RPH3A: variants seen among roughly 807,000 people sequenced by gnomAD.
The protein encoded by RPH3A is rabphilin-3A.
In RPH3A, 48 loss-of-function variants were observed where a neutral mutation model predicts 102.2. That is an observed-to-expected ratio of 0.47 (90% CI 0.37 to 0.60). The LOEUF (loss-of-function observed/expected upper bound fraction) is 0.60. Ranked by LOEUF, RPH3A falls within the 20% of genes least tolerant of loss-of-function variation. The pLI, the probability that RPH3A is intolerant of heterozygous loss-of-function variation, is 0.00. For synonymous variants in RPH3A, 310 were observed against 324.3 expected, an observed-to-expected ratio of 0.96 and a Z score of 0.47; for missense variants, 781 against 910.1, an observed-to-expected ratio of 0.86 and a Z score of 1.83.
Position 112,712,964 on chromosome 12 carries a change from T to TTC in RPH3A, c.-139-79178_-139-79177insCT, listed in dbSNP as rs1417742814. ...CTTCTTCTTCTTCTTCTTCTTCTTC[T>TTC]TTCTTCTTCTTTCTTCTTCGTCGTC... On this transcript the variant is annotated intron_variant, in intron 1 of 21. Coordinates refer to the RPH3A transcript ENST00000543106. 9.7e-3 allele frequency among the ~76,000 whole-genome samples: 677 copies of TTC among 70,136 alleles called. 45 individuals are homozygous for TTC. The highest frequency in any genetic ancestry group is 0.023 in the South Asian group (39 of 1,700). The allele number at this position is 70,136 out of a possible 152,430, so 46.0% of individuals were successfully genotyped here.
At chr12:112,730,837 C>T (rs2040627648) in intron 1 of RPH3A, among the ~76,000 whole-genome samples, 1 of 152,112 alleles carries the variant, frequency 6.6e-6, no homozygotes, top group African/African-American at 2.4e-5. Flanking sequence ...CTTCTGATGC[C>T]ACAGAGCAAA....
intron 14 of RPH3A, among the ~76,000 whole-genome samples, chr12:112,881,249 A>G (rs1277374078): frequency 1.3e-5 from 2 of 152,332 alleles, no homozygotes; most frequent in Middle Eastern, 3.4e-3. Context: ...CCTCTATAGT[A>G]TCTTATCTGA....
chr12:112,731,132 T>A (rs958848404), intron 1 of RPH3A, among the ~76,000 whole-genome samples: 1 of 152,124 alleles, frequency 6.6e-6, no homozygotes, highest in Admixed American at 6.5e-5. Flanking sequence ...GAGAATGAAG[T>A]GTTTTACAGT....
At chr12:112,649,165 A>T (rs2039956512) in intron 1 of RPH3A, among the ~76,000 whole-genome samples, 1 of 152,260 alleles carries the variant, frequency 6.6e-6, no homozygotes, top group African/African-American at 2.4e-5. Context: ...TCTTTGATGT[A>T]GAATAGACCA....
At position 112,879,160 on chromosome 12, in the gene RPH3A, G is replaced by A. The variant is rs1242895469; in HGVS notation, c.1213G>A (p.Asp405Asn). 1 of 1,614,100 alleles carries A rather than the reference G, an allele frequency of 6.2e-7. No individual in the cohort carries two copies. Reference sequence around the variant, plus strand: ...GGAATTCAGCCTTCTCTACGACCAGGACAACAGCTCCCTGCAGTGCACCAT... The same window carrying A: ...GGAATTCAGCCTTCTCTACGACCAGAACAACAGCTCCCTGCAGTGCACCAT... ...ALEFSLLYDQ[D>N]NSSLQCTIIK... is the part of the protein sequence containing the mutation. The change falls in exon 14 of 22, where the codon GAC (aspartate) becomes AAC (asparagine). Residue 405 changes from aspartate (D) to asparagine (N), a missense_variant. Coordinates refer to ENST00000389385, the MANE Select transcript of RPH3A (RefSeq NM_001143854.2).
At chr12:112,875,654 C>T in intron 11 of RPH3A, 25 bp from the exon 12 acceptor site, 1 of 1,603,610 alleles carries the variant, frequency 6.2e-7, no homozygotes, top group Non-Finnish European at 8.5e-7. Flanking sequence ...TGCTGCATCT[C>T]TGTTTGTCTC....
chr12:112,599,513 G>A (rs185062775), intron 1 of RPH3A, among the ~76,000 whole-genome samples: 1 of 152,184 alleles, frequency 6.6e-6, no homozygotes, highest in African/African-American at 2.4e-5. Context: ...GGTTTGTATT[G>A]ACCCTGCCCT....
chr12:112,875,718 G>A lies in RPH3A; in HGVS notation c.923G>A (p.Gly308Glu). The A allele has an allele frequency of 6.2e-7, 1 of 1,613,924 alleles. No homozygotes were observed. ...AGCAGACCGGGTCCTGGGCCAGCAG[G>A]ACGCTTTCCAGATCAGAAGCCAGGC... ...GGSRPGPGPAGRFPDQKPEVA... is the reference protein window; with the variant it reads ...GGSRPGPGPAERFPDQKPEVA... The change falls in exon 12 of 22, where the codon GGA becomes GAA. Residue 308 changes from glycine to glutamate, a missense_variant. Physicochemically the swap from Gly to Glu is moderately conservative, Grantham distance 98. Around this residue, in one of 2 missense-constraint regions of RPH3A, gnomAD observed 730 missense variants for 810.0 expected, o/e 0.90. Coordinates refer to ENST00000389385, the MANE Select transcript of RPH3A (RefSeq NM_001143854.2).
intron 2 of RPH3A, among the ~76,000 whole-genome samples, chr12:112,816,577 C>A (rs79272641): frequency 6.6e-6 from 1 of 152,188 alleles, no homozygotes; most frequent in Non-Finnish European, 1.5e-5. Flanking sequence ...TTGGTCGAAA[C>A]AGGTCATGTG....
chr12:112,586,579 G>A (rs1454038717), intron 1 of RPH3A, among the ~76,000 whole-genome samples: 3 of 152,260 alleles, frequency 2.0e-5, no homozygotes, highest in South Asian at 2.1e-4. Context: ...TGAAGCTAGA[G>A]GGAGTGTGCA....
At chr12:112,887,713 C>T in intron 16 of RPH3A, 84 bp from the exon 17 acceptor site, 1 of 1,406,762 alleles carries the variant, frequency 7.1e-7, no homozygotes, top group Non-Finnish European at 9.8e-7. Context: ...CATTCCTTAC[C>T]AGTATCAGCT....
intron 1 of RPH3A, among the ~76,000 whole-genome samples, chr12:112,635,157 T>G (rs1428820121): frequency 3.3e-5 from 5 of 152,234 alleles, no homozygotes; most frequent in Non-Finnish European, 1.5e-5. Flanking sequence ...GTTTCAACTA[T>G]GCCACTATAA....
At chr12:112,583,086 C>T (rs1001180094) in intron 1 of RPH3A, among the ~76,000 whole-genome samples, 4 of 152,144 alleles carry the variant, frequency 2.6e-5, no homozygotes, top group Non-Finnish European at 5.9e-5. Context: ...AGGACAGTGG[C>T]TGGGAGGTAA....
rs147301902 is a variant in RPH3A, at chr12:112,654,279, G to C, written c.-140+78960G>C. 8.2e-3 allele frequency among the ~76,000 whole-genome samples: 1,251 copies of C among 152,176 alleles called. 21 individuals carry two copies. Among genetic ancestry groups the C allele is most frequent in the African/African-American group, 0.028 (1,179 of 41,512 alleles). On this transcript the variant is annotated intron_variant, in intron 1 of 21. Coordinates refer to the RPH3A transcript ENST00000543106. The stretch of plus-strand genomic sequence containing the variant: ...ATTAATGAAAGCCTTTCAGTGTTGG[G>C]GTCCTTATTGCTTTCAAACTCTTTA...
chr12:112,729,293 C>A (rs2040617045), intron 1 of RPH3A, among the ~76,000 whole-genome samples: 1 of 152,066 alleles, frequency 6.6e-6, no homozygotes, highest in Non-Finnish European at 1.5e-5. Context: ...AGACTGAAAT[C>A]CTCCTATCTC....
chr12:112,747,694 G>A (rs2040758561), intron 1 of RPH3A, among the ~76,000 whole-genome samples: 2 of 152,198 alleles, frequency 1.3e-5, no homozygotes, highest in Admixed American at 1.3e-4. Flanking sequence ...CCCTACCACT[G>A]TCATAGTTCT....
chr12:112,658,059 G>T (rs1254648621), intron 1 of RPH3A, among the ~76,000 whole-genome samples: 1 of 152,170 alleles, frequency 6.6e-6, no homozygotes, highest in Non-Finnish European at 1.5e-5. Context: ...GGGGCAGATT[G>T]CACAGAGCCT....
intron 1 of RPH3A, among the ~76,000 whole-genome samples, chr12:112,724,758 C>T (rs2040575091): frequency 6.6e-6 from 1 of 152,090 alleles, no homozygotes; most frequent in African/African-American, 2.4e-5. Flanking sequence ...CACTTGAGCT[C>T]AGGAGTTCAA....
At chr12:112,832,920 A>T (rs10850084) in intron 3 of RPH3A, among the ~76,000 whole-genome samples, 2,676 of 149,658 alleles carry the variant, frequency 0.018, 99 homozygotes, top group African/African-American at 0.062. Context: ...AGTTAAACAC[A>T]TTTCAATTAT....
Sources: allele counts gnomAD v4.1 joint callset (sites outside exome capture counted in the v4.1 genomes callset), GRCh38; gene constraint gnomAD v4.1.1; regional missense constraint gnomAD v4.1.1; transcripts MANE v1.5; gene names NCBI Gene and HGNC (gene_info 2026-07-23, HGNC 2026-07-21).